The following NECTIN4 variants were observed in gnomAD, a reference collection of about 807,000 sequenced individuals.
The protein encoded by NECTIN4 is nectin cell adhesion molecule 4.
Under a neutral mutation model 51.7 loss-of-function variants are expected in NECTIN4, and 19 were observed. The observed-to-expected ratio is 0.37, with a 90% CI of 0.26 to 0.54. The LOEUF is 0.54. Among genes scored for constraint, NECTIN4 ranks in the 20% least tolerant of loss-of-function variants. The probability of loss-of-function intolerance (pLI) is 0.86; values close to 1 mark genes in which losing one functional copy is unlikely to be tolerated. For synonymous variants in NECTIN4, 283 were observed against 286.9 expected (o/e 0.99, Z 0.14); for missense variants, 619 against 662.4 (o/e 0.93, Z 0.72).
chr1:161,089,404 G>T lies in NECTIN4; in HGVS notation c.-108C>A. The T allele has an allele frequency of 9.4e-7, 1 of 1,062,386 alleles. No homozygotes were observed. Among genetic ancestry groups the T allele is most frequent in the Non-Finnish European group, 1.4e-6 (1 of 706,252 alleles). The allele number at this position is 1,062,386 out of a possible 1,614,324, so 65.8% of individuals were successfully genotyped here. A position where few individuals can be genotyped will look rare whatever the true frequency, so the allele number is the denominator to read the frequency against. ...GACCCAGAAGGCAGGAAGCTGCAGA[G>T]TTCTTGCCTCTCGCACTTGGGTCTC... On this transcript the variant is annotated 5_prime_UTR_variant, in exon 1 of 9. Coordinates refer to ENST00000368012, the MANE Select transcript of NECTIN4 (RefSeq NM_030916.3). The surrounding 1 kb of genome is among the most constrained non-coding windows in gnomAD (Gnocchi z 4.1).
intron 3 of NECTIN4, 128 bp from the exon 4 acceptor site, chr1:161,076,603 C>T: frequency 1.5e-6 from 2 of 1,331,096 alleles, no homozygotes; most frequent in East Asian, 2.3e-5. Context: ...TCCTACTCAT[C>T]TGCTGCCAAA....
intron 1 of NECTIN4, 23 bp from the exon 2 acceptor site, chr1:161,079,972 GC>G: frequency 1.3e-6 from 2 of 1,579,090 alleles, no homozygotes; most frequent in South Asian, 1.2e-5. Context: ...GAGAGGGACA[GC>G]CACCATTAGG....
At position 161,076,585 on chromosome 1, in the gene NECTIN4, C is replaced by T. The variant is rs1653426162; in HGVS notation, c.731-110G>A. ...CTGCCTGAAACACCCTCCCCTTGCC[C>T]TTCTCCATCCTACTCATCTGCTGCC... On this transcript the variant is annotated intron_variant, in intron 3 of 8. Transcript: ENST00000368012. 6.9e-6 allele frequency: 10 copies of T among 1,454,968 alleles called. No homozygotes were observed. The South Asian group carries it at 1.1e-4, about 17-fold the overall frequency. The allele number at this position is 1,454,968 out of a possible 1,614,324, so 90.1% of individuals were successfully genotyped here. A position where few individuals can be genotyped will look rare whatever the true frequency, so the allele number is the denominator to read the frequency against.
Position 161,077,434 on chromosome 1 carries a change from C to G in NECTIN4, c.730+19G>C. ...TGAGAACCCCTTGGGCCTCCCTACCCAAGCATCCAAGTACTTACAGGACAC... is the reference window on the plus strand; with the variant it reads ...TGAGAACCCCTTGGGCCTCCCTACCGAAGCATCCAAGTACTTACAGGACAC... On this transcript the variant is annotated intron_variant, in intron 3 of 8. Coordinates refer to ENST00000368012, the MANE Select transcript of NECTIN4 (RefSeq NM_030916.3). The G allele has an allele frequency of 2.5e-6, 4 of 1,613,966 alleles. No individual in the cohort carries two copies. The highest frequency in any genetic ancestry group is 3.4e-6 in the Non-Finnish European group (4 of 1,179,946).
Position 161,089,319 on chromosome 1 carries a change from C to T in NECTIN4, c.-23G>A, listed in dbSNP as rs192163654. On this transcript the variant is annotated 5_prime_UTR_variant, in exon 1 of 9. Transcript: ENST00000368012. This position sits in a 1 kb window ranked among gnomAD's most constrained non-coding sequence, Gnocchi z 4.1. ...CATGGTTGAAAGGCAGACTGCCCAG[C>T]GTTTCTGAAGTTCCACCGAGATCTC... 11 of 1,594,446 alleles carry T rather than the reference C, an allele frequency of 6.9e-6. No individual in the cohort carries two copies. The highest frequency in any genetic ancestry group is 1.8e-4 in the Middle Eastern group (1 of 5,460).
rs1490998573 is a variant in NECTIN4, at chr1:161,077,550, C to G, written c.633G>C (p.Val211=). 1.9e-6 allele frequency: 3 copies of G among 1,614,034 alleles called. No homozygotes were observed. Among genetic ancestry groups the G allele is most frequent in the Middle Eastern group, 1.6e-4 (1 of 6,062 alleles). ...SAAVTSEFHL[V]PSRSMNGQPL... ...GCTGCCCATTCATGCTGCGGCTAGGCACCAAGTGGAACTCTGAGGTGACGG... is the reference window on the plus strand; with the variant it reads ...GCTGCCCATTCATGCTGCGGCTAGGGACCAAGTGGAACTCTGAGGTGACGG... The change falls in exon 3 of 9, where the codon GTG becomes GTC. Residue 211 remains valine (V), a synonymous_variant. Transcript: ENST00000368012.
rs367874767 is a variant in NECTIN4 at position 161,071,081 on chromosome 1, T to C, written c.*1580A>G. 1.3e-5 allele frequency: 2 copies of C among 152,314 alleles called. No individual in the cohort carries two copies. The highest frequency in any genetic ancestry group is 4.1e-4 in the South Asian group (2 of 4,824). 9.4% of individuals were successfully genotyped at this position (152,314 alleles called of 1,614,324 possible). A position where few individuals can be genotyped will look rare whatever the true frequency, so the allele number is the denominator to read the frequency against. ...TTTACATAAAATGTACATGTTAGGA[T>C]CTTAGATCTTCAGGCTCCACATTCG... On this transcript the variant is annotated 3_prime_UTR_variant, in exon 9 of 9. Coordinates refer to ENST00000368012, the MANE Select transcript of NECTIN4 (RefSeq NM_030916.3).
At chr1:161,081,676 CTTG>C (rs1185849048) in intron 1 of NECTIN4, among the ~76,000 whole-genome samples, 2 of 152,134 alleles carry the variant, frequency 1.3e-5, no homozygotes, top group East Asian at 1.9e-4. Flanking sequence ...AGCCACACAC[CTTG>C]TTGTTCCTCA....
chr1:161,072,287 A>G lies in NECTIN4; in HGVS notation c.*374T>C, dbSNP rs562506176. Reference sequence around the variant, plus strand: ...CATGACACACACGCCAAACCCTGACAGTGTTGCCCACGCAACCACTCAAAT... The same window carrying G: ...CATGACACACACGCCAAACCCTGACGGTGTTGCCCACGCAACCACTCAAAT... On this transcript the variant is annotated 3_prime_UTR_variant, in exon 9 of 9. Transcript: ENST00000368012. The G allele has an allele frequency of 1.3e-4, 48 of 377,564 alleles. No individual in the cohort carries two copies. Among genetic ancestry groups the G allele is most frequent in the African/African-American group, 7.5e-4 (36 of 48,006 alleles). The allele number at this position is 377,564 out of a possible 1,614,324, so 23.4% of individuals were successfully genotyped here.
At position 161,079,793 on chromosome 1, in the gene NECTIN4, A is replaced by T; in HGVS notation, c.236T>A (p.Leu79Gln). ...RVDAGEGAQE[L>Q]ALLHSKYGLH... is the part of the protein sequence containing the mutation. ...CCCGTATTTGGAGTGCAGTAGCGCT[A>T]GTTCCTGGGCGCCTTCGCCCGCGTC... The change falls in exon 2 of 9, where the codon CTA (leucine) becomes CAA (glutamine). Residue 79 changes from leucine to glutamine, a missense_variant. Around this residue, in one of 3 missense-constraint regions of NECTIN4, gnomAD observed 218 missense variants for 186.3 expected, o/e 1.17. Transcript: ENST00000368012. The T allele has an allele frequency of 3.1e-6, 5 of 1,613,354 alleles. No homozygotes were observed. The highest frequency in any genetic ancestry group is 4.2e-6 in the Non-Finnish European group (5 of 1,179,968).
At chr1:161,082,115 G>A (rs958998715) in intron 1 of NECTIN4, among the ~76,000 whole-genome samples, 1 of 152,046 alleles carries the variant, frequency 6.6e-6, no homozygotes, top group African/African-American at 2.4e-5. Flanking sequence ...GATCACCTGA[G>A]GTCAGGAGTT....
At chr1:161,082,743 C>T (rs1653745945) in intron 1 of NECTIN4, among the ~76,000 whole-genome samples, 1 of 152,068 alleles carries the variant, frequency 6.6e-6, no homozygotes, top group African/African-American at 2.4e-5. Flanking sequence ...CGCACCCCTC[C>T]CAGGCTTTTT....
Position 161,076,355 on chromosome 1 carries a change from C to T in NECTIN4, c.851G>A (p.Arg284Gln), listed in dbSNP as rs267606991. The T allele has an allele frequency of 1.2e-6, 2 of 1,614,068 alleles. No homozygotes were observed. Among genetic ancestry groups the T allele is most frequent in the Admixed American group, 1.7e-5 (1 of 60,014 alleles). ...GQPPPSYNWT[R>Q]LDGPLPSGVR... ...GCCTTCCTCAGGCTCGGGCCCTTAC[C>T]GTGTCCAGTTGTATGAGGGAGGGGG... The change falls in exon 4 of 9, where the codon CGG (arginine) becomes CAG (glutamine). Residue 284 changes from arginine (R) to glutamine (Q), a missense_variant and splice_region_variant. Around this residue, in one of 3 missense-constraint regions of NECTIN4, gnomAD observed 364 missense variants for 415.7 expected, o/e 0.88. Coordinates refer to ENST00000368012, the MANE Select transcript of NECTIN4 (RefSeq NM_030916.3).
chr1:161,087,817 A>G (rs535818676), intron 1 of NECTIN4, among the ~76,000 whole-genome samples: 2 of 152,092 alleles, frequency 1.3e-5, no homozygotes, highest in Non-Finnish European at 2.9e-5. Flanking sequence ...TGCAGATCTC[A>G]CTTGCCTATC....
At chr1:161,073,407 C>A in intron 7 of NECTIN4, 108 bp from the exon 8 acceptor site, 1 of 890,028 alleles carries the variant, frequency 1.1e-6, no homozygotes, top group Non-Finnish European at 1.8e-6. Context: ...TGTCCCCCAA[C>A]CCAACAGGTC....
chr1:161,086,710 T>G (rs1653964462), intron 1 of NECTIN4, among the ~76,000 whole-genome samples: 1 of 152,122 alleles, frequency 6.6e-6, no homozygotes, highest in African/African-American at 2.4e-5. Context: ...AGAGCTGTGG[T>G]GCTGAGGCGC....
intron 1 of NECTIN4, among the ~76,000 whole-genome samples, chr1:161,085,585 CCT>C (rs1653908657): frequency 6.6e-6 from 1 of 152,070 alleles, no homozygotes; most frequent in Non-Finnish European, 1.5e-5. Flanking sequence ...GAGAAAATCT[CCT>C]GAGGCCAGAG....
At chr1:161,083,724 C>G (rs1297165450) in intron 1 of NECTIN4, among the ~76,000 whole-genome samples, 1 of 152,236 alleles carries the variant, frequency 6.6e-6, no homozygotes, top group Non-Finnish European at 1.5e-5. Context: ...ACTGGCCAGA[C>G]GGGATCCCTG....
Position 161,089,356 on chromosome 1 carries a change from G to A in NECTIN4, c.-60C>T. The A allele has an allele frequency of 6.7e-7, 1 of 1,497,836 alleles. No homozygotes were observed. 92.8% of individuals were successfully genotyped at this position (1,497,836 alleles called of 1,614,324 possible). A position where few individuals can be genotyped will look rare whatever the true frequency, so the allele number is the denominator to read the frequency against. The stretch of plus-strand genomic sequence containing the variant: ...TCCACCGAGATCTCCCTGGGAGCCG[G>A]CTGCAGACTTGAATAAGGAACTGAC... On this transcript the variant is annotated 5_prime_UTR_variant, in exon 1 of 9. Coordinates refer to ENST00000368012, the MANE Select transcript of NECTIN4 (RefSeq NM_030916.3). This position sits in a 1 kb window ranked among gnomAD's most constrained non-coding sequence, Gnocchi z 4.1.
Sources: gnomAD v4.1 joint callset for allele counts (sites outside exome capture counted in the v4.1 genomes callset) on GRCh38, gnomAD v4.1.1 for gene constraint, gnomAD v4.1.1 regional missense constraint, Gnocchi (gnomAD v3.1) non-coding constraint, MANE v1.5 for transcripts, NCBI Gene and HGNC (gene_info 2026-07-23, HGNC 2026-07-21) for gene names.